GAREM1: variants seen among roughly 807,000 people sequenced by gnomAD.
The protein encoded by GAREM1 is GRB2 associated regulator of MAPK1 subtype 1, also known as GRB2-associated and regulator of MAPK protein 1.
GAREM1 carries 26 observed loss-of-function variants against 71.3 expected under a neutral mutation model. The ratio of observed to expected loss-of-function variants is 0.36; its 90% CI spans 0.27 to 0.51. The LOEUF is 0.51. GAREM1 is among the 20% of genes least tolerant of loss of function. The pLI, the probability that GAREM1 is intolerant of heterozygous loss-of-function variation, is 0.95. For synonymous variants in GAREM1, 440 were observed against 433.2 expected (o/e 1.02, Z -0.20); for missense variants, 1,026 against 1,103.1 (o/e 0.93, Z 0.99).
chr18:32,434,872 T>C (rs991804255), intron 1 of GAREM1, among the ~76,000 whole-genome samples: 4 of 152,038 alleles, frequency 2.6e-5, no homozygotes, highest in Non-Finnish European at 4.4e-5. Flanking sequence ...TATTTATTAA[T>C]TATAAAGAGA....
chr18:32,408,065 T>C (rs10502597), intron 1 of GAREM1, among the ~76,000 whole-genome samples: 7,092 of 152,100 alleles, frequency 0.047, 249 homozygotes, highest in East Asian at 0.11. Flanking sequence ...ATTGTAAATT[T>C]TGAAAAAGGT....
At chr18:32,372,078 G>C (rs1465247353) in intron 2 of GAREM1, among the ~76,000 whole-genome samples, 1 of 152,128 alleles carries the variant, frequency 6.6e-6, no homozygotes, top group African/African-American at 2.4e-5. Flanking sequence ...GGTTAAAGGT[G>C]GATCGGATTG....
At chr18:32,337,486 AC>A (rs2047608316) in intron 2 of GAREM1, among the ~76,000 whole-genome samples, 1 of 152,160 alleles carries the variant, frequency 6.6e-6, no homozygotes. Context: ...GTGCGCTATT[AC>A]CCGGCTTATC....
chr18:32,296,958 C>T (rs982591761), intron 3 of GAREM1, among the ~76,000 whole-genome samples: 1 of 152,130 alleles, frequency 6.6e-6, no homozygotes. Context: ...GTTAAACTTA[C>T]AAAAATATAG....
chr18:32,406,820 A>T (rs1454345200), intron 1 of GAREM1, among the ~76,000 whole-genome samples: 1 of 152,198 alleles, frequency 6.6e-6, no homozygotes, highest in African/African-American at 2.4e-5. Flanking sequence ...CTTTTAGCCC[A>T]ATGGTTGAGG....
At chr18:32,403,514 T>C (rs974251533) in intron 1 of GAREM1, among the ~76,000 whole-genome samples, 2 of 152,184 alleles carry the variant, frequency 1.3e-5, no homozygotes, top group Non-Finnish European at 2.9e-5. Context: ...TCAACCCTTA[T>C]TTACCCAGTT....
chr18:32,303,455 T>C lies in GAREM1; in HGVS notation c.393+6738A>G, dbSNP rs917038571. On this transcript the variant is annotated intron_variant, in intron 3 of 5. Transcript: ENST00000269209. ...ACGGGGAAAATTTTCTCATCTTTAT[T>C]GGGCTGAGTTTGAAAGGCTGGAAGA... is the stretch of plus-strand genomic sequence containing the variant. Among the ~76,000 whole-genome samples, 3 of 152,336 alleles carry C rather than the reference T, an allele frequency of 2.0e-5. No homozygotes were observed. The East Asian group carries it at 5.8e-4, about 29-fold the overall frequency.
At chr18:32,320,655 T>G (rs2047420076) in intron 2 of GAREM1, among the ~76,000 whole-genome samples, 1 of 152,222 alleles carries the variant, frequency 6.6e-6, no homozygotes, top group South Asian at 2.1e-4. Context: ...ATAAAGCAAG[T>G]GGTCAGACCA....
At chr18:32,346,476 A>G (rs1312705525) in intron 2 of GAREM1, among the ~76,000 whole-genome samples, 1 of 152,180 alleles carries the variant, frequency 6.6e-6, no homozygotes, top group African/African-American at 2.4e-5. Context: ...AAAGCAATAG[A>G]TATTATTATA....
chr18:32,376,209 T>C (rs1246311084), intron 2 of GAREM1, among the ~76,000 whole-genome samples: 1 of 152,218 alleles, frequency 6.6e-6, no homozygotes, highest in African/African-American at 2.4e-5. Context: ...AAAGAATCAC[T>C]TGTCTTACTG....
intron 2 of GAREM1, among the ~76,000 whole-genome samples, chr18:32,317,796 G>A (rs1176032959): frequency 6.7e-6 from 1 of 149,398 alleles, no homozygotes; most frequent in Admixed American, 6.7e-5. Flanking sequence ...TGATTGCTGT[G>A]TCCTGGAAAT....
At chr18:32,427,512 G>A (rs1480532052) in intron 1 of GAREM1, among the ~76,000 whole-genome samples, 1 of 152,146 alleles carries the variant, frequency 6.6e-6, no homozygotes, top group Non-Finnish European at 1.5e-5. Flanking sequence ...ATGTTTGAGG[G>A]AGCTGAGGTC....
intron 2 of GAREM1, among the ~76,000 whole-genome samples, chr18:32,338,645 T>C (rs994794400): frequency 2.0e-5 from 3 of 152,230 alleles, no homozygotes; most frequent in African/African-American, 7.2e-5. Flanking sequence ...TTGGATGTTT[T>C]GGACACTTGA....
chr18:32,353,415 A>G (rs2047772574), intron 2 of GAREM1, among the ~76,000 whole-genome samples: 1 of 152,276 alleles, frequency 6.6e-6, no homozygotes, highest in African/African-American at 2.4e-5. Flanking sequence ...TTACTTACCT[A>G]ATAGCTATTT....
At chr18:32,364,014 ATATATATATATATGT>A (rs1224290359) in intron 2 of GAREM1, among the ~76,000 whole-genome samples, 721 of 50,616 alleles carry the variant, frequency 0.014, 29 homozygotes, top group African/African-American at 0.075. Flanking sequence ...ATATATATAT[ATATATATATATATGT>A]TTTTTTTTTT....
chr18:32,456,545 C>G (rs566703244), intron 1 of GAREM1, among the ~76,000 whole-genome samples: 1 of 152,238 alleles, frequency 6.6e-6, no homozygotes, highest in South Asian at 2.1e-4. Flanking sequence ...TAAATCAACT[C>G]CACTTCTGTG....
At chr18:32,292,597 C>T (rs1001368257) in intron 3 of GAREM1, among the ~76,000 whole-genome samples, 2 of 152,096 alleles carry the variant, frequency 1.3e-5, no homozygotes, top group Non-Finnish European at 2.9e-5. Flanking sequence ...AAGCTGTTCT[C>T]GTGATAGTGA....
intron 4 of GAREM1, among the ~76,000 whole-genome samples, chr18:32,280,081 T>C (rs2041593754): frequency 6.6e-6 from 1 of 152,228 alleles, no homozygotes; most frequent in Non-Finnish European, 1.5e-5. Flanking sequence ...ATCCTGAGTA[T>C]ATCTTTTTGT....
At chr18:32,315,565 T>C (rs1408971633) in intron 2 of GAREM1, among the ~76,000 whole-genome samples, 1 of 150,108 alleles carries the variant, frequency 6.7e-6, no homozygotes, top group Non-Finnish European at 1.5e-5. Context: ...TTGCATTAAG[T>C]CTTTCAAATC....
Sources: allele counts gnomAD v4.1 joint callset (sites outside exome capture counted in the v4.1 genomes callset), GRCh38; gene constraint gnomAD v4.1.1; transcripts MANE v1.5; gene names NCBI Gene and HGNC (gene_info 2026-07-23, HGNC 2026-07-21).